PEX5L: variants seen among roughly 807,000 people sequenced by gnomAD.
The protein encoded by PEX5L is PEX5-related protein.
A neutral mutation model predicts 84.0 loss-of-function variants in PEX5L; 30 were observed. The observed-to-expected ratio is 0.36, with a 90% CI of 0.27 to 0.48. PEX5L has a LOEUF of 0.48. Among genes scored for constraint, PEX5L ranks in the 20% least tolerant of loss-of-function variants. PEX5L has a pLI of 0.99. For missense variants in PEX5L, 533 were observed against 754.6 expected, an observed-to-expected ratio of 0.71 and a Z score of 3.44; for synonymous variants, 270 against 283.1, an observed-to-expected ratio of 0.95 and a Z score of 0.46.
rs555358193 is a variant in PEX5L at position 180,015,869 on chromosome 3, A to G, written c.21+20710T>C. ...CATAGAATATAATAATATATAACAT[A>G]TAATATATAATATTTAATATATTAT... is the stretch of plus-strand genomic sequence containing the variant. On this transcript the variant is annotated intron_variant, in intron 1 of 14. Transcript: ENST00000467460. Among the ~76,000 whole-genome samples the G allele has an allele frequency of 1.4e-3, 179 of 127,832 alleles. 2 individuals are homozygous for G. The highest frequency in any genetic ancestry group is 6.4e-3 in the African/African-American group (172 of 26,954). The allele number at this position is 127,832 out of a possible 152,430, so 83.9% of individuals were successfully genotyped here. A position where few individuals can be genotyped will look rare whatever the true frequency, so the allele number is the denominator to read the frequency against.
At chr3:179,815,809 C>G in intron 10 of PEX5L, 52 bp downstream of exon 10, 1 of 1,597,492 alleles carries the variant, frequency 6.3e-7, no homozygotes, top group Non-Finnish European at 8.6e-7. Context: ...TTATCTGTCC[C>G]TTGTTAGCAC....
chr3:179,952,832 C>T (rs919671376), intron 2 of PEX5L, among the ~76,000 whole-genome samples: 8 of 152,274 alleles, frequency 5.3e-5, no homozygotes, highest in East Asian at 3.9e-4. Context: ...GGAGGCATCA[C>T]GCTACCTGAC....
intron 2 of PEX5L, among the ~76,000 whole-genome samples, chr3:179,965,722 C>G (rs1783165732): frequency 6.6e-6 from 1 of 152,028 alleles, no homozygotes; most frequent in African/African-American, 2.4e-5. Context: ...TGAAGCTAAA[C>G]AAACCAAAAA....
intron 7 of PEX5L, among the ~76,000 whole-genome samples, chr3:179,871,836 G>T (rs906373073): frequency 1.1e-4 from 17 of 152,204 alleles, no homozygotes; most frequent in Non-Finnish European, 1.2e-4. Context: ...CCTGATTCGT[G>T]AATTGTTCTT....
At chr3:179,992,248 T>C (rs1787451011) in intron 1 of PEX5L, among the ~76,000 whole-genome samples, 1 of 152,182 alleles carries the variant, frequency 6.6e-6, no homozygotes, top group Non-Finnish European at 1.5e-5. Flanking sequence ...GCCAGGTATA[T>C]TATTTAATTT....
intron 1 of PEX5L, among the ~76,000 whole-genome samples, chr3:180,029,858 A>G (rs1791296514): frequency 6.6e-6 from 1 of 152,146 alleles, no homozygotes; most frequent in Non-Finnish European, 1.5e-5. Context: ...ATCAAATGTT[A>G]TATCCCTACA....
intron 3 of PEX5L, among the ~76,000 whole-genome samples, chr3:179,888,659 G>T (rs1209081237): frequency 1.3e-5 from 2 of 151,004 alleles, no homozygotes; most frequent in African/African-American, 4.9e-5. Context: ...TTTTTGGGGG[G>T]GGTGGGGGAG....
intron 14 of PEX5L, chr3:179,804,260 C>T (rs1227289423): frequency 1.3e-5 from 2 of 151,992 alleles, no homozygotes; most frequent in African/African-American, 4.8e-5. Flanking sequence ...GAAGGTTGTA[C>T]ATATATATGT....
chr3:179,814,844 CTCT>C (rs1256426820), intron 10 of PEX5L, among the ~76,000 whole-genome samples: 1 of 152,132 alleles, frequency 6.6e-6, no homozygotes, highest in African/African-American at 2.4e-5. Context: ...TCTTGCCTAT[CTCT>C]TCTTGCCTTC....
At position 179,866,754 on chromosome 3, in the gene PEX5L, G is replaced by A. The variant is rs191467592; in HGVS notation, c.726+7573C>T. Among the ~76,000 whole-genome samples, 9 of 152,160 alleles carry A rather than the reference G, an allele frequency of 5.9e-5. No homozygotes were observed. The East Asian group carries it at 1.7e-3, about 29-fold the overall frequency. ...TTGAAAGTACACACGGCCGGGCACGGTGGCTCACGCCTGTAATCCCAGCAC... is the reference window on the plus strand; with the variant it reads ...TTGAAAGTACACACGGCCGGGCACGATGGCTCACGCCTGTAATCCCAGCAC... On this transcript the variant is annotated intron_variant, in intron 7 of 14. Transcript: ENST00000467460.
chr3:179,929,438 A>C (rs1427279426), intron 2 of PEX5L, among the ~76,000 whole-genome samples: 1 of 151,946 alleles, frequency 6.6e-6, no homozygotes, highest in African/African-American at 2.4e-5. Flanking sequence ...ATTCTGTATT[A>C]CATTTATTTT....
At chr3:179,970,118 C>T in intron 2 of PEX5L, among the ~76,000 whole-genome samples, 1 of 151,828 alleles carries the variant, frequency 6.6e-6, no homozygotes, top group Non-Finnish European at 1.5e-5. Context: ...AAAAGAAAAG[C>T]TTTGGGGTAG....
chr3:179,852,662 G>A (rs1321834763), intron 8 of PEX5L, among the ~76,000 whole-genome samples: 1 of 152,166 alleles, frequency 6.6e-6, no homozygotes, highest in Non-Finnish European at 1.5e-5. Context: ...TATGCTTCCT[G>A]TTCTTGCCTC....
In PEX5L at chr3:179,797,601, A is replaced by ATATATATATAT. The variant is rs1467137354; in HGVS notation, c.*4226_*4227insATATATATATA. Reference sequence around the variant, plus strand: ...TATGAACACTCTTTAAAAAAAAAAAAAAAAATATATATATATATATATATA... The same window carrying ATATATATATAT: ...TATGAACACTCTTTAAAAAAAAAAAATATATATATATAAAAATATATATATATATATATATA... On this transcript the variant is annotated 3_prime_UTR_variant, in exon 15 of 15. Transcript: ENST00000467460. The ATATATATATAT allele has an allele frequency of 2.8e-5, 3 of 107,094 alleles. No individual in the cohort carries two copies. The highest frequency in any genetic ancestry group is 1.2e-4 in the African/African-American group (3 of 25,518). 6.6% of individuals were successfully genotyped at this position (107,094 alleles called of 1,614,324 possible).
At chr3:179,813,120 T>C (rs1231692028) in intron 10 of PEX5L, among the ~76,000 whole-genome samples, 1 of 152,228 alleles carries the variant, frequency 6.6e-6, no homozygotes, top group Non-Finnish European at 1.5e-5. Flanking sequence ...CTTTCATATA[T>C]CTTAGAATGC....
intron 1 of PEX5L, among the ~76,000 whole-genome samples, chr3:179,993,105 GA>G (rs921506173): frequency 6.6e-6 from 1 of 151,848 alleles, no homozygotes; most frequent in Non-Finnish European, 1.5e-5. Context: ...AGGAAAGAAA[GA>G]AAAACTAATA....
chr3:179,961,586 G>C (rs909201145), intron 2 of PEX5L, among the ~76,000 whole-genome samples: 4 of 152,046 alleles, frequency 2.6e-5, no homozygotes, highest in Non-Finnish European at 4.4e-5. Flanking sequence ...CAAAGTCGAA[G>C]AGAAAAAGGG....
chr3:179,885,242 C>T (rs769118066), intron 4 of PEX5L, among the ~76,000 whole-genome samples: 2 of 152,064 alleles, frequency 1.3e-5, no homozygotes, highest in East Asian at 3.8e-4. Flanking sequence ...ACACTGAGTA[C>T]TCAGAATATT....
chr3:179,915,686 T>A (rs16830884), intron 2 of PEX5L, among the ~76,000 whole-genome samples: 22,722 of 152,188 alleles, frequency 0.15, 1,818 homozygotes, highest in South Asian at 0.3. Flanking sequence ...AGCGTGTTTA[T>A]AAAGGTCACC....
Sources: allele counts gnomAD v4.1 joint callset (sites outside exome capture counted in the v4.1 genomes callset), GRCh38; gene constraint gnomAD v4.1.1; transcripts MANE v1.5; gene names NCBI Gene and HGNC (gene_info 2026-07-23, HGNC 2026-07-21).